Variants in B3GALT1 observed in about 807,000 individuals in gnomAD.
B3GALT1 encodes UDP-Gal:betaGlcNAc beta 1,3-galactosyltransferase, polypeptide 1.
B3GALT1 carries 10 observed loss-of-function variants against 23.2 expected under a neutral mutation model. The observed-to-expected ratio is 0.43, with a 90% confidence interval of 0.27 to 0.73. B3GALT1 has a LOEUF of 0.73. Ranked by LOEUF, B3GALT1 falls within the 30% of genes least tolerant of loss-of-function variation. The pLI, the probability that B3GALT1 is intolerant of heterozygous loss-of-function variation, is 0.21. For synonymous variants in B3GALT1, 156 were observed against 141.5 expected, an observed-to-expected ratio of 1.10 and a Z score of -0.73; for missense variants, 299 against 405.4, an observed-to-expected ratio of 0.74 and a Z score of 2.25.
At chr2:167,562,526 T>G (rs1401002746) in intron 2 of B3GALT1, among the ~76,000 whole-genome samples, 1 of 152,100 alleles carries the variant, frequency 6.6e-6, no homozygotes. Context: ...TGTCCCTGTT[T>G]GCAGATGACA....
intron 1 of B3GALT1, among the ~76,000 whole-genome samples, chr2:167,382,035 T>C (rs935372336): frequency 2.5e-4 from 38 of 152,358 alleles, no homozygotes; most frequent in African/African-American, 9.1e-4. Context: ...AGGTGGCTGA[T>C]TGTACAATAG....
chr2:167,818,688 C>T lies in B3GALT1; in HGVS notation c.-335C>T, dbSNP rs1689044358. On this transcript the variant is annotated 5_prime_UTR_variant, in exon 4 of 5. Coordinates refer to ENST00000392690, the MANE Select transcript of B3GALT1 (RefSeq NM_020981.4). ...TCCACTTAGGGCTACGCAGCTTGCT[C>T]CTGGCACGGGCACCTTGAATCTCCT... Among the ~76,000 whole-genome samples, 1 of 151,980 alleles carries T rather than the reference C, an allele frequency of 6.6e-6. No individual in the cohort carries two copies. Among genetic ancestry groups the T allele is most frequent in the Admixed American group, 6.5e-5 (1 of 15,270 alleles).
intron 2 of B3GALT1, among the ~76,000 whole-genome samples, chr2:167,500,011 G>A (rs894826963): frequency 6.6e-5 from 10 of 152,060 alleles, no homozygotes; most frequent in African/African-American, 1.4e-4. Flanking sequence ...TTGTGCATGC[G>A]AGAGAGACAG....
intron 2 of B3GALT1, among the ~76,000 whole-genome samples, chr2:167,556,330 G>T (rs976120554): frequency 1.3e-5 from 2 of 152,036 alleles, no homozygotes; most frequent in Non-Finnish European, 2.9e-5. Context: ...CAGTTTCGAG[G>T]ACTAAAGCAC....
chr2:167,426,575 A>G (rs569955503), intron 1 of B3GALT1, among the ~76,000 whole-genome samples: 19 of 152,282 alleles, frequency 1.2e-4, no homozygotes, highest in Non-Finnish European at 2.1e-4. Flanking sequence ...TTTATAATGG[A>G]CACAGTGAAG....
chr2:167,687,301 A>G (rs368840448), intron 3 of B3GALT1, among the ~76,000 whole-genome samples: 2 of 152,246 alleles, frequency 1.3e-5, no homozygotes, highest in Non-Finnish European at 2.9e-5. Flanking sequence ...AACAAAAATT[A>G]TAGAGTATCC....
At chr2:167,728,982 AT>A (rs1315680597) in intron 3 of B3GALT1, among the ~76,000 whole-genome samples, 1 of 152,162 alleles carries the variant, frequency 6.6e-6, no homozygotes, top group Non-Finnish European at 1.5e-5. Flanking sequence ...CTTAGCCCTT[AT>A]TTTAATGTAT....
chr2:167,464,116 T>C lies in B3GALT1; in HGVS notation c.-510-26061T>C, dbSNP rs149702712. On this transcript the variant is annotated intron_variant, in intron 1 of 4. Coordinates refer to ENST00000392690, the MANE Select transcript of B3GALT1 (RefSeq NM_020981.4). ...TTTCTGAAGCAGTTAATTTAAATGA[T>C]TTATATGAGGAGTTCATTGCTAAAA... is the stretch of plus-strand genomic sequence containing the variant. Among the ~76,000 whole-genome samples, 606 of 152,178 alleles carry C rather than the reference T, an allele frequency of 4.0e-3. 5 individuals carry two copies. Among genetic ancestry groups the C allele is most frequent in the South Asian group, 0.014 (67 of 4,824 alleles).
intron 1 of B3GALT1, among the ~76,000 whole-genome samples, chr2:167,484,935 G>T (rs1442206378): frequency 6.6e-6 from 1 of 152,204 alleles, no homozygotes; most frequent in Non-Finnish European, 1.5e-5. Flanking sequence ...CTAGACTAGA[G>T]TGAGTTAGAA....
chr2:167,754,074 T>C (rs1687779221), intron 3 of B3GALT1, among the ~76,000 whole-genome samples: 1 of 152,212 alleles, frequency 6.6e-6, no homozygotes, highest in African/African-American at 2.4e-5. Flanking sequence ...AATATTCCCT[T>C]ATTGATCTTC....
intron 3 of B3GALT1, among the ~76,000 whole-genome samples, chr2:167,665,692 G>A (rs181937891): frequency 0.081 from 12,216 of 151,626 alleles, no homozygotes; most frequent in African/African-American, 0.21. Flanking sequence ...TTAGTCTTGG[G>A]AGAGTGTATG....
At chr2:167,581,389 C>T (rs1684480960) in intron 2 of B3GALT1, among the ~76,000 whole-genome samples, 1 of 152,224 alleles carries the variant, frequency 6.6e-6, no homozygotes, top group South Asian at 2.1e-4. Context: ...AATCATACTT[C>T]TCCACCTGAC....
intron 3 of B3GALT1, among the ~76,000 whole-genome samples, chr2:167,803,660 AT>A (rs1558984246): frequency 6.6e-6 from 1 of 152,154 alleles, no homozygotes; most frequent in African/African-American, 2.4e-5. Context: ...CCTTTAGCAG[AT>A]GGTTTTCCTG....
chr2:167,609,696 GCTACACACTGTT>G (rs1227567610), intron 2 of B3GALT1, among the ~76,000 whole-genome samples: 1 of 152,132 alleles, frequency 6.6e-6, no homozygotes, highest in Admixed American at 6.6e-5. Context: ...CCATTATTGT[GCTACACACTGTT>G]CTTGAGAGGG....
intron 2 of B3GALT1, among the ~76,000 whole-genome samples, chr2:167,609,956 C>G (rs1360208430): frequency 6.6e-6 from 1 of 151,898 alleles, no homozygotes; most frequent in Non-Finnish European, 1.5e-5. Context: ...AAATACAAAC[C>G]AAGCAAAAGA....
intron 1 of B3GALT1, among the ~76,000 whole-genome samples, chr2:167,396,279 G>C (rs2105286188): frequency 6.6e-6 from 1 of 152,150 alleles, no homozygotes; most frequent in Non-Finnish European, 1.5e-5. Context: ...TTCATCTTAA[G>C]TTTATCATGC....
At chr2:167,742,480 C>A (rs1307752318) in intron 3 of B3GALT1, among the ~76,000 whole-genome samples, 1 of 152,092 alleles carries the variant, frequency 6.6e-6, no homozygotes, top group Non-Finnish European at 1.5e-5. Flanking sequence ...AACACAAGAG[C>A]ATAAAAAATG....
intron 3 of B3GALT1, among the ~76,000 whole-genome samples, chr2:167,721,097 C>A (rs1037908883): frequency 2.0e-5 from 3 of 152,152 alleles, no homozygotes; most frequent in African/African-American, 7.2e-5. Context: ...CTCACTCTTT[C>A]TCTTCTCTCT....
intron 3 of B3GALT1, among the ~76,000 whole-genome samples, chr2:167,749,037 G>A (rs774465151): frequency 6.6e-6 from 1 of 152,124 alleles, no homozygotes; most frequent in African/African-American, 2.4e-5. Context: ...GACAAGCCAG[G>A]CATAGCTAAG....
Sources: gnomAD v4.1 joint callset for allele counts (sites outside exome capture counted in the v4.1 genomes callset) on GRCh38, gnomAD v4.1.1 for gene constraint, MANE v1.5 for transcripts, NCBI Gene and HGNC (gene_info 2026-07-23, HGNC 2026-07-21) for gene names.